Variants in ADCY5 observed in about 807,000 individuals in gnomAD.
The protein encoded by ADCY5 is adenylate cyclase type 5.
ADCY5 carries 30 observed loss-of-function variants against 119.7 expected under a neutral mutation model. The ratio of observed to expected loss-of-function variants is 0.25; its 90% CI spans 0.19 to 0.34. The LOEUF is 0.34. ADCY5 is among the 10% of genes least tolerant of loss of function. The probability of loss-of-function intolerance (pLI) is 1.00; values close to 1 mark genes in which losing one functional copy is unlikely to be tolerated. For missense variants in ADCY5, 1,324 were observed against 1,775.2 expected (o/e 0.75, Z 4.57); for synonymous variants, 753 against 762.2 (o/e 0.99, Z 0.20).
intron 1 of ADCY5, among the ~76,000 whole-genome samples, chr3:123,438,954 T>C (rs1169872182): frequency 6.6e-6 from 1 of 151,896 alleles, no homozygotes; most frequent in African/African-American, 2.4e-5. Context: ...GTCTCACTAT[T>C]TTGCCCAGGC....
At chr3:123,325,498 A>G (rs1941441199) in intron 7 of ADCY5, 36 bp from the exon 8 acceptor site, 1 of 1,613,304 alleles carries the variant, frequency 6.2e-7, no homozygotes, top group South Asian at 1.1e-5. Context: ...GGAGATGAGG[A>G]GTCCAAGCGG....
intron 13 of ADCY5, 32 bp from the exon 14 acceptor site, chr3:123,303,251 G>A (rs752675383): frequency 6.2e-7 from 1 of 1,602,952 alleles, no homozygotes; most frequent in African/African-American, 1.3e-5. Context: ...ATGAGGGGAG[G>A]GTAAGCTGCT....
At position 123,447,452 on chromosome 3, in the gene ADCY5, G is replaced by A. The variant is rs769526316; in HGVS notation, c.1094C>T (p.Ala365Val). 1.9e-6 allele frequency: 3 copies of A among 1,607,778 alleles called. No individual in the cohort carries two copies. The highest frequency in any genetic ancestry group is 4.5e-5 in the East Asian group (2 of 44,716). ...CTGGTCCTGGGCGTTGGTGCGCAGG[G>A]CGATGGCCAGGTGGAGGGCGGACAG... The part of the protein sequence containing the change: ...VLLSALHLAI[A>V]LRTNAQDQFL... The change falls in exon 1 of 21, where the codon GCC becomes GTC. Residue 365 changes from alanine (A) to valine (V), a missense_variant. Physicochemically the swap from Ala to Val is moderately conservative, Grantham distance 64. Around this residue, in one of 6 missense-constraint regions of ADCY5, gnomAD observed 585 missense variants for 569.9 expected, o/e 1.03. Coordinates refer to ENST00000462833, the MANE Select transcript of ADCY5 (RefSeq NM_183357.3).
intron 20 of ADCY5, 147 bp from the exon 21 acceptor site, chr3:123,284,883 G>A: frequency 9.3e-7 from 1 of 1,079,988 alleles, no homozygotes; most frequent in Non-Finnish European, 1.3e-6. Context: ...GGTGCTCTCA[G>A]GGACTGACAG....
chr3:123,321,758 A>C (rs1010848550), intron 8 of ADCY5, among the ~76,000 whole-genome samples: 7 of 152,216 alleles, frequency 4.6e-5, no homozygotes, highest in African/African-American at 1.7e-4. Flanking sequence ...AAATACAAAA[A>C]GAGGGATTTA....
chr3:123,359,494 C>G (rs1943169314), intron 1 of ADCY5, among the ~76,000 whole-genome samples: 1 of 151,620 alleles, frequency 6.6e-6, no homozygotes, highest in South Asian at 2.1e-4. Context: ...CTCCTGCCCA[C>G]TCTTCCCTAC....
At chr3:123,424,626 C>T (rs1215169343) in intron 1 of ADCY5, among the ~76,000 whole-genome samples, 2 of 152,202 alleles carry the variant, frequency 1.3e-5, no homozygotes, top group Admixed American at 1.3e-4. Flanking sequence ...TGCCTCCTAC[C>T]ACCCTTACAG....
intron 1 of ADCY5, among the ~76,000 whole-genome samples, chr3:123,398,031 C>A (rs997634407): frequency 4.6e-5 from 7 of 152,180 alleles, no homozygotes; most frequent in Non-Finnish European, 1.0e-4. Context: ...CAAAGCTGCT[C>A]GCGGGTGTCT....
At chr3:123,423,435 C>A (rs1324378269) in intron 1 of ADCY5, among the ~76,000 whole-genome samples, 1 of 152,250 alleles carries the variant, frequency 6.6e-6, no homozygotes, top group Non-Finnish European at 1.5e-5. Flanking sequence ...CCACATCCCA[C>A]AGCCTCCTTC....
At chr3:123,367,209 C>T (rs778680604) in intron 1 of ADCY5, among the ~76,000 whole-genome samples, 4 of 152,306 alleles carry the variant, frequency 2.6e-5, no homozygotes, top group South Asian at 4.1e-4. Context: ...CCGGACCAGG[C>T]GTGGGAATCA....
intron 1 of ADCY5, among the ~76,000 whole-genome samples, chr3:123,433,567 A>G (rs1183670910): frequency 2.0e-5 from 3 of 152,264 alleles, no homozygotes; most frequent in Admixed American, 1.3e-4. Flanking sequence ...AATCTGAAAC[A>G]CAGCTAAAGG....
intron 1 of ADCY5, among the ~76,000 whole-genome samples, chr3:123,373,726 G>A (rs1943715507): frequency 6.7e-6 from 1 of 149,970 alleles, no homozygotes; most frequent in South Asian, 2.1e-4. Flanking sequence ...TTGCTGAGCT[G>A]TGGAATTTAG....
chr3:123,441,551 C>T (rs1199927852), intron 1 of ADCY5, among the ~76,000 whole-genome samples: 1 of 152,220 alleles, frequency 6.6e-6, no homozygotes, highest in Non-Finnish European at 1.5e-5. Flanking sequence ...TGCCACAAGC[C>T]TACCCTTGGG....
chr3:123,388,712 G>C (rs1037454662), intron 1 of ADCY5, among the ~76,000 whole-genome samples: 3 of 152,182 alleles, frequency 2.0e-5, no homozygotes, highest in African/African-American at 7.2e-5. Context: ...GCCAAAGAAA[G>C]ACAAGAATGG....
intron 1 of ADCY5, among the ~76,000 whole-genome samples, chr3:123,426,681 C>T (rs1351735914): frequency 1.3e-5 from 2 of 152,130 alleles, no homozygotes; most frequent in Non-Finnish European, 2.9e-5. Flanking sequence ...AAGGAATAAA[C>T]AGAAGAGTTA....
intron 1 of ADCY5, among the ~76,000 whole-genome samples, chr3:123,446,293 G>C (rs1424414979): frequency 3.3e-5 from 5 of 152,220 alleles, no homozygotes; most frequent in Non-Finnish European, 7.3e-5. Flanking sequence ...CACTAGAAGA[G>C]GGGAGACAGA....
At chr3:123,297,521 T>C (rs1939594919) in intron 15 of ADCY5, 139 bp from the exon 16 acceptor site, 2 of 957,476 alleles carry the variant, frequency 2.1e-6, no homozygotes, top group African/African-American at 1.6e-5. Flanking sequence ...TCACCCTCCA[T>C]ATCCAACGAC....
intron 8 of ADCY5, among the ~76,000 whole-genome samples, chr3:123,321,132 TACTC>T (rs1341953613): frequency 3.9e-5 from 6 of 152,236 alleles, no homozygotes; most frequent in Admixed American, 2.0e-4. Context: ...TCCTGCCTCT[TACTC>T]AGATGGAAAT....
intron 1 of ADCY5, among the ~76,000 whole-genome samples, chr3:123,368,584 G>C (rs1253626500): frequency 6.6e-6 from 1 of 152,036 alleles, no homozygotes; most frequent in Non-Finnish European, 1.5e-5. Context: ...GCGACAGATC[G>C]AGACTGTCTC....
Sources: gnomAD v4.1 joint callset for allele counts (sites outside exome capture counted in the v4.1 genomes callset) on GRCh38, gnomAD v4.1.1 for gene constraint, gnomAD v4.1.1 regional missense constraint, MANE v1.5 for transcripts, NCBI Gene and HGNC (gene_info 2026-07-23, HGNC 2026-07-21) for gene names.